The following MYT1L variants were observed in gnomAD, a reference collection of about 807,000 sequenced individuals.
MYT1L encodes the protein myelin transcription factor 1-like protein.
In MYT1L, 12 loss-of-function variants were observed where a neutral mutation model predicts 126.7. The ratio of observed to expected loss-of-function variants is 0.09; its 90% CI spans 0.06 to 0.15. MYT1L has a LOEUF of 0.15. MYT1L is among the 10% of genes least tolerant of loss of function. The pLI is 1.00. For synonymous variants in MYT1L, 541 were observed against 604.2 expected (o/e 0.90, Z 1.53); for missense variants, 979 against 1,585.2 (o/e 0.62, Z 6.49).
rs1266281938 is a variant in MYT1L, at chr2:2,236,621, GCCCAGCACATCCCAACCCAA to G, written c.-421+47763_-421+47782del. On this transcript the variant is annotated intron_variant, in intron 2 of 24. Coordinates refer to ENST00000647738, the MANE Select transcript of MYT1L (RefSeq NM_001303052.2). ...ACCCAACCCAGCACATCCCAACCCA[GCCCAGCACATCCCAACCCAA>G]CCCAGCACATCCCAACCCAACCCAG... 3.6e-3 allele frequency among the ~76,000 whole-genome samples: 173 copies of G among 47,838 alleles called. No individual in the cohort carries two copies. In the Middle Eastern group the frequency reaches 0.1, roughly 28 times the overall value. The allele number at this position is 47,838 out of a possible 152,430, so 31.4% of individuals were successfully genotyped here. A position where few individuals can be genotyped will look rare whatever the true frequency, so the allele number is the denominator to read the frequency against.
intron 9 of MYT1L, among the ~76,000 whole-genome samples, chr2:1,925,845 C>T (rs144798039): frequency 1.0e-3 from 152 of 152,260 alleles, no homozygotes; most frequent in African/African-American, 3.5e-3. Flanking sequence ...CCCAAGTCTC[C>T]AAGACTTAAT....
chr2:1,840,900 C>CTTTTTT lies in MYT1L; in HGVS notation c.2775-58_2775-57insAAAAAA, dbSNP rs1197637882. ...CACACCGTTGATTTCAGTGAGCTTT[C>CTTTTTT]TTTCTTTTTTTTTTTTTTTTTGAGA... On this transcript the variant is annotated intron_variant, in intron 19 of 24. Transcript: ENST00000647738. The CTTTTTT allele has an allele frequency of 7.4e-5, 56 of 759,428 alleles. 4 individuals carry two copies. The highest frequency in any genetic ancestry group is 5.7e-4 in the African/African-American group (21 of 37,046). The allele number at this position is 759,428 out of a possible 1,614,324, so 47.0% of individuals were successfully genotyped here. A position where few individuals can be genotyped will look rare whatever the true frequency, so the allele number is the denominator to read the frequency against.
intron 3 of MYT1L, among the ~76,000 whole-genome samples, chr2:2,158,703 TACACAC>T (rs34075925): frequency 2.2e-3 from 317 of 144,456 alleles, no homozygotes; most frequent in East Asian, 2.9e-3. Flanking sequence ...AACATTCAAG[TACACAC>T]ACACACACAC....
intron 21 of MYT1L, among the ~76,000 whole-genome samples, chr2:1,818,499 A>G (rs966974003): frequency 1.3e-5 from 2 of 151,886 alleles, no homozygotes; most frequent in Non-Finnish European, 2.9e-5. Flanking sequence ...GACACAATAC[A>G]CTCCAGGTGT....
At chr2:1,933,487 TC>T (rs1358980163) in intron 9 of MYT1L, among the ~76,000 whole-genome samples, 1 of 152,222 alleles carries the variant, frequency 6.6e-6, no homozygotes, top group Non-Finnish European at 1.5e-5. Context: ...TTTTCTGAAT[TC>T]TTCCGAAGAC....
chr2:2,002,845 T>C (rs1247726347), intron 4 of MYT1L, among the ~76,000 whole-genome samples: 1 of 152,106 alleles, frequency 6.6e-6, no homozygotes, highest in Non-Finnish European at 1.5e-5. Flanking sequence ...TCTGATGGTT[T>C]TATGAGTGTC....
At chr2:2,138,697 GGT>G (rs2083449922) in intron 3 of MYT1L, among the ~76,000 whole-genome samples, 3 of 110,600 alleles carry the variant, frequency 2.7e-5, no homozygotes. Flanking sequence ...ACTGTTGTGG[GGT>G]GGGGGGAGGG....
intron 18 of MYT1L, among the ~76,000 whole-genome samples, chr2:1,855,797 A>G (rs950043323): frequency 2.7e-5 from 4 of 150,550 alleles, no homozygotes; most frequent in African/African-American, 9.9e-5. Context: ...CAAGACAAAA[A>G]TAGTCCTGAT....
In MYT1L at chr2:2,116,673, G is replaced by C. The variant is rs529083012; in HGVS notation, c.-304+56199C>G. Among the ~76,000 whole-genome samples, 6 of 152,378 alleles carry C rather than the reference G, an allele frequency of 3.9e-5. No homozygotes were observed. In the South Asian group the frequency reaches 6.2e-4, roughly 16 times the overall value. ...TCTGACTTGCAGGACTGGGTTAGAA[G>C]ATGCCTCTCAGATTCCATATAGGTC... is the stretch of plus-strand genomic sequence containing the variant. On this transcript the variant is annotated intron_variant, in intron 3 of 24. Transcript: ENST00000647738.
chr2:1,807,294 C>T (rs191430457), intron 22 of MYT1L, among the ~76,000 whole-genome samples: 110 of 152,322 alleles, frequency 7.2e-4, no homozygotes, highest in African/African-American at 2.5e-3. Context: ...GACGTTCAGG[C>T]GTCTCTCATG....
chr2:2,247,928 G>A lies in MYT1L; in HGVS notation c.-421+36476C>T, dbSNP rs541048147. Among the ~76,000 whole-genome samples, 335 of 151,842 alleles carry A rather than the reference G, an allele frequency of 2.2e-3. 3 individuals are homozygous for A. Among genetic ancestry groups the A allele is most frequent in the African/African-American group, 7.3e-3 (302 of 41,466 alleles). ...ATTTATAGCTGTAAGTGCTTACATC[G>A]AAAAAGAAGAAAAACTTCAAATAAA... On this transcript the variant is annotated intron_variant, in intron 2 of 24. Transcript: ENST00000647738.
Position 1,789,121 on chromosome 2 carries a change from C to T in MYT1L, c.*2746G>A, listed in dbSNP as rs888099783. On this transcript the variant is annotated 3_prime_UTR_variant, in exon 25 of 25. Transcript: ENST00000647738. ...GAAGACGCAGACCCGGGTTAGAGATCCTTCGTGCTACAAATGTGGCAACAC... is the reference window on the plus strand; with the variant it reads ...GAAGACGCAGACCCGGGTTAGAGATTCTTCGTGCTACAAATGTGGCAACAC... 1.3e-5 allele frequency: 2 copies of T among 152,212 alleles called. No homozygotes were observed. The highest frequency in any genetic ancestry group is 1.3e-4 in the Admixed American group (2 of 15,278). 9.4% of individuals were successfully genotyped at this position (152,212 alleles called of 1,614,324 possible).
chr2:2,137,525 A>T (rs1264493470), intron 3 of MYT1L, among the ~76,000 whole-genome samples: 1 of 152,202 alleles, frequency 6.6e-6, no homozygotes, highest in Non-Finnish European at 1.5e-5. Flanking sequence ...GAGCCCTCAG[A>T]AATAATGCCA....
At chr2:2,176,027 C>T (rs1052518344) in intron 2 of MYT1L, among the ~76,000 whole-genome samples, 4 of 152,188 alleles carry the variant, frequency 2.6e-5, no homozygotes, top group African/African-American at 7.2e-5. Flanking sequence ...CCAAGTTAAA[C>T]GGATTTCAGT....
chr2:2,227,658 A>G (rs1317119350), intron 2 of MYT1L, among the ~76,000 whole-genome samples: 1 of 152,166 alleles, frequency 6.6e-6, no homozygotes, highest in Non-Finnish European at 1.5e-5. Context: ...TGTTATCTGA[A>G]TTAGCAAAAA....
At position 1,912,146 on chromosome 2, in the gene MYT1L, A is replaced by T; in HGVS notation, c.1619-36T>A. On this transcript the variant is annotated intron_variant, in intron 11 of 24. Transcript: ENST00000647738. This position sits in a 1 kb window ranked among gnomAD's most constrained non-coding sequence, Gnocchi z 4.3. ...AGAGGCAAAGAGAACAGCCAGTGTT[A>T]AAACAGAGGCACGGTTAGGGCACAT... 2.7e-6 allele frequency: 4 copies of T among 1,462,576 alleles called. No individual in the cohort carries two copies. Among genetic ancestry groups the T allele is most frequent in the Non-Finnish European group, 3.8e-6 (4 of 1,062,956 alleles). 90.6% of individuals were successfully genotyped at this position (1,462,576 alleles called of 1,614,324 possible).
chr2:1,888,160 T>C (rs1354948653), intron 16 of MYT1L, among the ~76,000 whole-genome samples: 1 of 152,210 alleles, frequency 6.6e-6, no homozygotes, highest in Admixed American at 6.5e-5. Context: ...CAGGTGGCAA[T>C]GCTCAGCAGA....
chr2:1,864,526 C>T, intron 18 of MYT1L, among the ~76,000 whole-genome samples: 1 of 152,302 alleles, frequency 6.6e-6, no homozygotes, highest in East Asian at 1.9e-4. Flanking sequence ...GCTGGACACT[C>T]CCCAGGGGAG....
rs530120573 is a variant in MYT1L, at chr2:2,285,562, A to G, written c.-520-1059T>C. ...AATTCTTCTATGCTTTCAACTTTGC[A>G]TATCTCTTTACCTCTACCTGGAATG... On this transcript the variant is annotated intron_variant, in intron 1 of 24. Coordinates refer to ENST00000647738, the MANE Select transcript of MYT1L (RefSeq NM_001303052.2). 3.1e-4 allele frequency among the ~76,000 whole-genome samples: 47 copies of G among 152,312 alleles called. 1 individual carries two copies. The highest frequency in any genetic ancestry group is 1.0e-3 in the African/African-American group (42 of 41,564).
Sources: allele counts gnomAD v4.1 joint callset (sites outside exome capture counted in the v4.1 genomes callset), GRCh38; gene constraint gnomAD v4.1.1; non-coding constraint Gnocchi (gnomAD v3.1); transcripts MANE v1.5; gene names NCBI Gene and HGNC (gene_info 2026-07-23, HGNC 2026-07-21).